Variants in RBFOX1 observed in about 807,000 individuals in gnomAD.
The protein encoded by RBFOX1 is RNA binding fox-1 homolog 1, also known as RNA binding protein fox-1 homolog 1.
A neutral mutation model predicts 57.7 loss-of-function variants in RBFOX1; 8 were observed. The ratio of observed to expected loss-of-function variants is 0.14; its 90% CI spans 0.08 to 0.25. The LOEUF is 0.25. Among genes scored for constraint, RBFOX1 ranks in the 10% least tolerant of loss-of-function variants. RBFOX1 has a pLI of 1.00. For synonymous variants in RBFOX1, 326 were observed against 222.4 expected, an observed-to-expected ratio of 1.47 and a Z score of -4.15; for missense variants, 611 against 548.5, an observed-to-expected ratio of 1.11 and a Z score of -1.14.
At chr16:6,935,397 C>G (rs545521160) in intron 3 of RBFOX1, among the ~76,000 whole-genome samples, 1 of 152,176 alleles carries the variant, frequency 6.6e-6, no homozygotes. Context: ...TACCATGTGA[C>G]TTCCAACAGT....
At chr16:6,915,550 C>CTTTTTTTT (rs141753685) in intron 3 of RBFOX1, among the ~76,000 whole-genome samples, 3 of 123,530 alleles carry the variant, frequency 2.4e-5, no homozygotes, top group Non-Finnish European at 5.1e-5. Flanking sequence ...CCACACCCCC[C>CTTTTTTTT]TTTTTTTTTT....
chr16:6,353,984 C>T (rs911159021), intron 2 of RBFOX1, among the ~76,000 whole-genome samples: 3 of 152,108 alleles, frequency 2.0e-5, no homozygotes, highest in Non-Finnish European at 4.4e-5. Flanking sequence ...CTTTGGGACG[C>T]CAAGGCCGGT....
intron 4 of RBFOX1, among the ~76,000 whole-genome samples, chr16:5,894,115 A>G (rs117804407): frequency 0.01 from 1,545 of 152,192 alleles, 10 homozygotes; most frequent in Non-Finnish European, 0.016. Flanking sequence ...ATGCATGGGG[A>G]TGATTTTTTA....
chr16:7,070,217 T>C (rs190787506), intron 4 of RBFOX1, among the ~76,000 whole-genome samples: 1 of 152,300 alleles, frequency 6.6e-6, no homozygotes, highest in East Asian at 1.9e-4. Context: ...TGGCACAGTG[T>C]CTTGCTCACA....
At chr16:5,362,818 A>C (rs1291247443) in intron 1 of RBFOX1, among the ~76,000 whole-genome samples, 1 of 151,674 alleles carries the variant, frequency 6.6e-6, no homozygotes, top group Non-Finnish European at 1.5e-5. Context: ...TAACTGGCTT[A>C]TTTTACTTAG....
At chr16:7,512,620 A>G (rs758507789) in intron 4 of RBFOX1, among the ~76,000 whole-genome samples, 3 of 152,190 alleles carry the variant, frequency 2.0e-5, no homozygotes, top group African/African-American at 7.2e-5. Context: ...CTCCTTGGCT[A>G]CCATGGACTC....
intron 2 of RBFOX1, among the ~76,000 whole-genome samples, chr16:6,326,225 T>G (rs1309552349): frequency 1.3e-5 from 2 of 152,242 alleles, no homozygotes; most frequent in Non-Finnish European, 2.9e-5. Flanking sequence ...ATTCATTGAT[T>G]CATTCATAAA....
At chr16:7,054,732 G>A (rs2051510435) in intron 4 of RBFOX1, among the ~76,000 whole-genome samples, 2 of 152,174 alleles carry the variant, frequency 1.3e-5, no homozygotes, top group South Asian at 4.1e-4. Context: ...CAATAAAAAT[G>A]TGTCCTAAGT....
At chr16:5,303,973 A>C (rs2063868544) in intron 1 of RBFOX1, among the ~76,000 whole-genome samples, 1 of 152,128 alleles carries the variant, frequency 6.6e-6, no homozygotes, top group Non-Finnish European at 1.5e-5. Context: ...CTTAAATGGA[A>C]CTTTTCTCTA....
chr16:6,049,034 C>A (rs1246663445), intron 1 of RBFOX1, among the ~76,000 whole-genome samples: 2 of 151,236 alleles, frequency 1.3e-5, no homozygotes, highest in Non-Finnish European at 2.9e-5. Flanking sequence ...GACGATCGAC[C>A]CCTTACATCT....
intron 4 of RBFOX1, among the ~76,000 whole-genome samples, chr16:7,062,329 AAAAAAAAAAG>A (rs1373355169): frequency 5.3e-5 from 8 of 150,490 alleles, no homozygotes; most frequent in Non-Finnish European, 7.4e-5. Flanking sequence ...AAAAAAAAAA[AAAAAAAAAAG>A]AAAAGAAAAA....
At chr16:6,624,898 C>T (rs1308051909) in intron 2 of RBFOX1, among the ~76,000 whole-genome samples, 1 of 152,060 alleles carries the variant, frequency 6.6e-6, no homozygotes, top group Non-Finnish European at 1.5e-5. Flanking sequence ...CGCGGTTGCT[C>T]ACGCCTGTAA....
chr16:5,937,037 C>G (rs1341415190), intron 4 of RBFOX1, among the ~76,000 whole-genome samples: 3 of 152,170 alleles, frequency 2.0e-5, no homozygotes, highest in African/African-American at 4.8e-5. Context: ...TCTCATCTGT[C>G]AAATGGGGAT....
At chr16:7,234,869 T>C (rs1292270972) in intron 4 of RBFOX1, among the ~76,000 whole-genome samples, 5 of 152,176 alleles carry the variant, frequency 3.3e-5, no homozygotes, top group Non-Finnish European at 5.9e-5. Context: ...TGGATAACAA[T>C]TTTGTATGTC....
intron 1 of RBFOX1, among the ~76,000 whole-genome samples, chr16:6,189,161 C>G (rs983061546): frequency 2.0e-5 from 3 of 152,158 alleles, no homozygotes; most frequent in African/African-American, 7.2e-5. Flanking sequence ...TTTTGCTTAC[C>G]AGCAGCTGTC....
At chr16:5,963,493 C>T (rs2059789716) in intron 4 of RBFOX1, among the ~76,000 whole-genome samples, 1 of 152,178 alleles carries the variant, frequency 6.6e-6, no homozygotes, top group East Asian at 1.9e-4. Context: ...TATCACACTT[C>T]CTGGTTTCAA....
chr16:7,699,542 A>T (rs996828458), intron 14 of RBFOX1, among the ~76,000 whole-genome samples: 62 of 152,302 alleles, frequency 4.1e-4, no homozygotes, highest in African/African-American at 1.4e-3. Flanking sequence ...GACTTGCTAA[A>T]GTTGTGTTCA....
chr16:6,369,835 A>T (rs1423381594), intron 2 of RBFOX1, among the ~76,000 whole-genome samples: 1 of 152,166 alleles, frequency 6.6e-6, no homozygotes, highest in Non-Finnish European at 1.5e-5. Flanking sequence ...CCACAATACA[A>T]TTCCAAAATT....
At chr16:7,654,946 A>G (rs1261135503) in intron 12 of RBFOX1, among the ~76,000 whole-genome samples, 1 of 152,176 alleles carries the variant, frequency 6.6e-6, no homozygotes, top group African/African-American at 2.4e-5. Flanking sequence ...ACCCTGCTCT[A>G]TGTTAAATTC....
Sources: allele counts gnomAD v4.1 joint callset (sites outside exome capture counted in the v4.1 genomes callset), GRCh38; gene constraint gnomAD v4.1.1; transcripts MANE v1.5; gene names NCBI Gene and HGNC (gene_info 2026-07-23, HGNC 2026-07-21).